ILDR2: variants seen among roughly 807,000 people sequenced by gnomAD.
The protein encoded by ILDR2 is immunoglobulin-like domain-containing receptor 2.
ILDR2 carries 25 observed loss-of-function variants against 66.8 expected under a neutral mutation model. The observed-to-expected ratio is 0.37, with a 90% CI of 0.27 to 0.52. The LOEUF (loss-of-function observed/expected upper bound fraction) is 0.52. Among genes scored for constraint, ILDR2 ranks in the 20% least tolerant of loss-of-function variants. The pLI is 0.88. For synonymous variants in ILDR2, 367 were observed against 357.2 expected, an observed-to-expected ratio of 1.03 and a Z score of -0.31; for missense variants, 827 against 876.8, an observed-to-expected ratio of 0.94 and a Z score of 0.72.
At position 166,932,893 on chromosome 1, in the gene ILDR2, T is replaced by G. The variant is rs1660717638; in HGVS notation, c.880+2408A>C. Among the ~76,000 whole-genome samples, 4 of 152,366 alleles carry G rather than the reference T, an allele frequency of 2.6e-5. No homozygotes were observed. In the South Asian group the frequency reaches 8.3e-4, roughly 32 times the overall value. On this transcript the variant is annotated intron_variant, in intron 6 of 9. Transcript: ENST00000271417. ...TGTAAATTAACATTTCTTAACATTTTTAATGTTCTTTAAAGAATAATCTAC... is the reference window on the plus strand; with the variant it reads ...TGTAAATTAACATTTCTTAACATTTGTAATGTTCTTTAAAGAATAATCTAC...
chr1:166,904,999 C>T (rs1444994578), downstream of ILDR2, among the ~76,000 whole-genome samples: 2 of 152,218 alleles, frequency 1.3e-5, no homozygotes, highest in Non-Finnish European at 2.9e-5. Context: ...AGGTCTTACT[C>T]AGAAAGGAGA....
rs148983684 is a variant in ILDR2 at position 166,931,593 on chromosome 1, A to C, written c.880+3708T>G. On this transcript the variant is annotated intron_variant, in intron 6 of 9. Coordinates refer to ENST00000271417, the MANE Select transcript of ILDR2 (RefSeq NM_199351.3). Reference sequence around the variant, plus strand: ...AATGGATTAGAGCAAAGCAGAGTAGATGTGGAAGGACCAGGTGGGAGATGA... The same window carrying C: ...AATGGATTAGAGCAAAGCAGAGTAGCTGTGGAAGGACCAGGTGGGAGATGA... Among the ~76,000 whole-genome samples the C allele has an allele frequency of 3.8e-3, 577 of 152,316 alleles. 5 individuals are homozygous for C. Among genetic ancestry groups the C allele is most frequent in the African/African-American group, 0.013 (533 of 41,570 alleles).
exon 3 of ILDR2, chr1:166,895,985 G>C (rs1460104123): frequency 6.6e-6 from 1 of 152,210 alleles, no homozygotes; most frequent in Non-Finnish European, 1.5e-5. Flanking sequence ...TCAGAGATAA[G>C]AATGTTCCTT....
rs1049427694 is a variant in ILDR2, at chr1:166,959,340, A to G, written c.47-1239T>C. Among the ~76,000 whole-genome samples the G allele has an allele frequency of 4.6e-5, 7 of 152,278 alleles. No homozygotes were observed. The South Asian group carries it at 6.2e-4, about 14-fold the overall frequency. Reference sequence around the variant, plus strand: ...GTCAGACTCGTCAGGTGTGGAAGGTATCTTCCCTTGCTGCCCTGGCTTGTG... The same window carrying G: ...GTCAGACTCGTCAGGTGTGGAAGGTGTCTTCCCTTGCTGCCCTGGCTTGTG... On this transcript the variant is annotated intron_variant, in intron 1 of 9. Coordinates refer to ENST00000271417, the MANE Select transcript of ILDR2 (RefSeq NM_199351.3).
chr1:166,974,077 C>T (rs1377359935), intron 1 of ILDR2, among the ~76,000 whole-genome samples: 1 of 152,174 alleles, frequency 6.6e-6, no homozygotes, highest in Non-Finnish European at 1.5e-5. Flanking sequence ...TCCCCTTTGC[C>T]TAGTGCCTTG....
At chr1:166,937,428 C>A (rs752960254) in intron 4 of ILDR2, among the ~76,000 whole-genome samples, 1 of 152,242 alleles carries the variant, frequency 6.6e-6, no homozygotes, top group Non-Finnish European at 1.5e-5. Flanking sequence ...TCCCCGTGAA[C>A]AGAGAATGAG....
chr1:166,926,340 G>A (rs1179325258), intron 7 of ILDR2, among the ~76,000 whole-genome samples: 3 of 152,090 alleles, frequency 2.0e-5, no homozygotes. Context: ...TGTGTCAGCT[G>A]CAGAGTATCC....
intron 3 of ILDR2, among the ~76,000 whole-genome samples, chr1:166,955,973 C>G (rs1387008145): frequency 3.3e-5 from 5 of 152,096 alleles, no homozygotes; most frequent in Non-Finnish European, 7.4e-5. Context: ...TCTGTATGTT[C>G]TAATTTTCTT....
chr1:166,974,785 C>T (rs1199257229), intron 1 of ILDR2, among the ~76,000 whole-genome samples: 3 of 152,200 alleles, frequency 2.0e-5, no homozygotes, highest in Admixed American at 6.5e-5. Context: ...GTCCTCTAGC[C>T]TCCACCTCCA....
chr1:166,900,203 C>T (rs964788318), intron 2 of ILDR2, among the ~76,000 whole-genome samples: 19 of 151,828 alleles, frequency 1.3e-4, no homozygotes, highest in African/African-American at 4.6e-4. Context: ...CAGCAGGCTC[C>T]TTCTCTCTAT....
intron 1 of ILDR2, among the ~76,000 whole-genome samples, chr1:166,961,408 GACATAA>G (rs1557955822): frequency 6.6e-6 from 1 of 151,934 alleles, no homozygotes; most frequent in Admixed American, 6.6e-5. Flanking sequence ...CAGCTTCTAT[GACATAA>G]ACATAAACTC....
intron 3 of ILDR2, among the ~76,000 whole-genome samples, chr1:166,943,221 G>A (rs564508538): frequency 9.9e-5 from 15 of 152,224 alleles, no homozygotes; most frequent in East Asian, 9.7e-4. Context: ...GGCCGGGCAC[G>A]GTGGCTCACG....
chr1:166,932,605 G>A (rs999033522), intron 6 of ILDR2, among the ~76,000 whole-genome samples: 4 of 152,202 alleles, frequency 2.6e-5, no homozygotes, highest in African/African-American at 9.6e-5. Context: ...GAGCAGCACA[G>A]GAGCAGGCAG....
chr1:166,948,186 A>G (rs1201943034), intron 3 of ILDR2, among the ~76,000 whole-genome samples: 1 of 151,768 alleles, frequency 6.6e-6, no homozygotes, highest in East Asian at 1.9e-4. Context: ...TTCCCCCCCA[A>G]CCCTCTGGAT....
intron 1 of ILDR2, among the ~76,000 whole-genome samples, chr1:166,974,865 C>T (rs1481459277): frequency 2.0e-5 from 3 of 152,210 alleles, no homozygotes; most frequent in Non-Finnish European, 4.4e-5. Context: ...TTTCACAAGA[C>T]TCACAGCATT....
chr1:166,951,789 C>A (rs1002468311), intron 3 of ILDR2, among the ~76,000 whole-genome samples: 6 of 152,140 alleles, frequency 3.9e-5, no homozygotes, highest in Non-Finnish European at 8.8e-5. Context: ...GACAAGAGAA[C>A]CTGTTCCATA....
intron 3 of ILDR2, among the ~76,000 whole-genome samples, chr1:166,953,738 C>T (rs922879409): frequency 4.6e-5 from 7 of 152,176 alleles, no homozygotes; most frequent in African/African-American, 1.4e-4. Flanking sequence ...AGATCATTTT[C>T]TTATTCATCA....
chr1:166,920,931 G>A lies in ILDR2; in HGVS notation c.1660C>T (p.Arg554Trp). 1 of 1,481,510 alleles carries A rather than the reference G, an allele frequency of 6.7e-7. No individual in the cohort carries two copies. Among genetic ancestry groups the A allele is most frequent in the Non-Finnish European group, 8.9e-7 (1 of 1,124,286 alleles). The allele number at this position is 1,481,510 out of a possible 1,614,324, so 91.8% of individuals were successfully genotyped here. A position where few individuals can be genotyped will look rare whatever the true frequency, so the allele number is the denominator to read the frequency against. The part of the protein sequence containing the change: ...RGGSLETPSK[R>W]SAQLGPRSAS... ...CTGCGCGGGCCGAGCTGCGCGCTCCGCTTGGATGGCGTCTCCAGGCTGCCA... is the reference window on the plus strand; with the variant it reads ...CTGCGCGGGCCGAGCTGCGCGCTCCACTTGGATGGCGTCTCCAGGCTGCCA... The change falls in exon 9 of 10, where the codon CGG becomes TGG. Residue 554 changes from arginine (R) to tryptophan (W), a missense_variant. By Grantham distance (101) the Arg-to-Trp change is moderately radical (BLOSUM62 -3). This residue lies in a region of ILDR2 where 390 missense variants were observed against 353.6 expected (regional missense o/e 1.10). Coordinates refer to ENST00000271417, the MANE Select transcript of ILDR2 (RefSeq NM_199351.3).
chr1:166,945,050 T>G lies in ILDR2; in HGVS notation c.500-5480A>C, dbSNP rs551732364. On this transcript the variant is annotated intron_variant, in intron 3 of 9. Coordinates refer to ENST00000271417, the MANE Select transcript of ILDR2 (RefSeq NM_199351.3). ...GCAGGGTTTCTAGCTGGACTTATGA[T>G]TTGCTGCGCATTATAGTGACTTTAT... Among the ~76,000 whole-genome samples the G allele has an allele frequency of 2.0e-5, 3 of 152,306 alleles. No individual in the cohort carries two copies. In the South Asian group the frequency reaches 6.2e-4, roughly 32 times the overall value.
Sources: gnomAD v4.1 joint callset for allele counts (sites outside exome capture counted in the v4.1 genomes callset) on GRCh38, gnomAD v4.1.1 for gene constraint, gnomAD v4.1.1 regional missense constraint, MANE v1.5 for transcripts, NCBI Gene and HGNC (gene_info 2026-07-23, HGNC 2026-07-21) for gene names.